The following CAMK4 variants were observed in gnomAD, a reference collection of about 807,000 sequenced individuals.
CAMK4 encodes the protein calcium/calmodulin dependent protein kinase IV.
In CAMK4, 22 loss-of-function variants were observed where a neutral mutation model predicts 44.9. That is an observed-to-expected ratio of 0.49 (90% CI 0.35 to 0.70). The LOEUF is 0.70. Ranked by LOEUF, CAMK4 falls within the 30% of genes least tolerant of loss-of-function variation. The probability of loss-of-function intolerance (pLI) is 0.01; values close to 1 mark genes in which losing one functional copy is unlikely to be tolerated. For missense variants in CAMK4, 498 were observed against 586.8 expected (o/e 0.85, Z 1.56); for synonymous variants, 218 against 215.4 (o/e 1.01, Z -0.11).
At chr5:111,423,002 C>T (rs1233312423) in intron 5 of CAMK4, among the ~76,000 whole-genome samples, 2 of 152,156 alleles carry the variant, frequency 1.3e-5, no homozygotes, top group Non-Finnish European at 2.9e-5. Context: ...ACCCCACATA[C>T]CCTTTTGTGT....
Position 111,486,206 on chromosome 5 carries a change from C to G in CAMK4, c.*1740C>G, listed in dbSNP as rs1755612540. ...AAGAAAACAAGGTAGGACTTCTTAT[C>G]TTTCATAGTTTAAGAATCTGACAGG... On this transcript the variant is annotated 3_prime_UTR_variant, in exon 11 of 11. Coordinates refer to ENST00000282356, the MANE Select transcript of CAMK4 (RefSeq NM_001744.6). 1 of 152,090 alleles carries G rather than the reference C, an allele frequency of 6.6e-6. No individual in the cohort carries two copies. The highest frequency in any genetic ancestry group is 2.1e-4 in the South Asian group (1 of 4,824). 9.4% of individuals were successfully genotyped at this position (152,090 alleles called of 1,614,324 possible). A position where few individuals can be genotyped will look rare whatever the true frequency, so the allele number is the denominator to read the frequency against.
chr5:111,233,247 C>T (rs530756328), intron 1 of CAMK4, among the ~76,000 whole-genome samples: 77 of 152,304 alleles, frequency 5.1e-4, no homozygotes, highest in African/African-American at 1.8e-3. Context: ...CAAGGAACTA[C>T]CTTTAGTCTC....
chr5:111,462,568 A>G (rs1473288351), intron 7 of CAMK4, among the ~76,000 whole-genome samples: 1 of 152,210 alleles, frequency 6.6e-6, no homozygotes, highest in Non-Finnish European at 1.5e-5. Context: ...AAGAGTTACT[A>G]ATAGTGTGAA....
chr5:111,314,470 T>C lies in CAMK4; in HGVS notation c.162-29554T>C, dbSNP rs572019021. Among the ~76,000 whole-genome samples, 6 of 152,226 alleles carry C rather than the reference T, an allele frequency of 3.9e-5. No individual in the cohort carries two copies. The South Asian group carries it at 1.2e-3, about 32-fold the overall frequency. ...TTTGCCCTGTAACCCACATTTTACA[T>C]TTCAAAAGTTTGCTTAATTAACTAA... On this transcript the variant is annotated intron_variant, in intron 1 of 10. Transcript: ENST00000282356.
intron 2 of CAMK4, among the ~76,000 whole-genome samples, chr5:111,357,623 G>A (rs1750421790): frequency 6.6e-6 from 1 of 152,010 alleles, no homozygotes; most frequent in Admixed American, 6.6e-5. Flanking sequence ...TTCTAGAAGA[G>A]GGGAAATGAA....
At chr5:111,398,822 T>C (rs1317709273) in intron 5 of CAMK4, among the ~76,000 whole-genome samples, 1 of 152,144 alleles carries the variant, frequency 6.6e-6, no homozygotes, top group Non-Finnish European at 1.5e-5. Flanking sequence ...TGCTAAAACC[T>C]AGAATTCACC....
At chr5:111,372,551 A>G (rs1439835349) in intron 2 of CAMK4, among the ~76,000 whole-genome samples, 1 of 152,146 alleles carries the variant, frequency 6.6e-6, no homozygotes, top group Non-Finnish European at 1.5e-5. Flanking sequence ...CAGGGGAGAG[A>G]GAGATTATCT....
At chr5:111,340,969 A>C (rs1749617221) in intron 1 of CAMK4, among the ~76,000 whole-genome samples, 1 of 150,594 alleles carries the variant, frequency 6.6e-6, no homozygotes, top group Admixed American at 6.6e-5. Flanking sequence ...GAATTTATTC[A>C]TTTCTTCTAG....
rs369076960 is a variant in CAMK4, at chr5:111,224,395, C to G, written c.-89C>G. 1.1e-5 allele frequency: 16 copies of G among 1,461,910 alleles called. No individual in the cohort carries two copies. The highest frequency in any genetic ancestry group is 3.0e-5 in the African/African-American group (2 of 67,324). The allele number at this position is 1,461,910 out of a possible 1,614,324, so 90.6% of individuals were successfully genotyped here. ...GAAGGACGCCGCCTCTCTCTCGCTCCTGCGTTCGCAGGCGGCGGCTGGCGG... is the reference window on the plus strand; with the variant it reads ...GAAGGACGCCGCCTCTCTCTCGCTCGTGCGTTCGCAGGCGGCGGCTGGCGG... On this transcript the variant is annotated 5_prime_UTR_variant, in exon 1 of 11. Coordinates refer to ENST00000282356, the MANE Select transcript of CAMK4 (RefSeq NM_001744.6). The surrounding 1 kb of genome is among the most constrained non-coding windows in gnomAD (Gnocchi z 5.7).
At chr5:111,315,267 A>G (rs435021) in intron 1 of CAMK4, among the ~76,000 whole-genome samples, 56,370 of 151,914 alleles carry the variant, frequency 0.37, 10,897 homozygotes, top group Admixed American at 0.46. Context: ...TTAGCTTTTC[A>G]ATTGATTAGG....
At chr5:111,240,284 T>C (rs1748926880) in intron 1 of CAMK4, among the ~76,000 whole-genome samples, 1 of 149,778 alleles carries the variant, frequency 6.7e-6, no homozygotes, top group Non-Finnish European at 1.5e-5. Context: ...AGAAATAGAG[T>C]TCTGGAAATC....
At chr5:111,418,645 A>G (rs1418803495) in intron 5 of CAMK4, among the ~76,000 whole-genome samples, 6 of 118,006 alleles carry the variant, frequency 5.1e-5, no homozygotes, top group Admixed American at 3.8e-4. Flanking sequence ...TCCTGTGTCC[A>G]TGTGTTCTCA....
At chr5:111,229,255 G>A (rs1457199225) in intron 1 of CAMK4, among the ~76,000 whole-genome samples, 1 of 152,158 alleles carries the variant, frequency 6.6e-6, no homozygotes, top group Non-Finnish European at 1.5e-5. Flanking sequence ...CATTTCCTCA[G>A]TTAGGACTCT....
intron 5 of CAMK4, among the ~76,000 whole-genome samples, chr5:111,442,982 T>G (rs1034340391): frequency 2.7e-5 from 4 of 149,480 alleles, no homozygotes; most frequent in African/African-American, 9.7e-5. Flanking sequence ...TTTCCAACAT[T>G]TTTTTTGAAT....
intron 1 of CAMK4, among the ~76,000 whole-genome samples, chr5:111,267,633 G>A (rs1750312404): frequency 6.7e-6 from 1 of 148,752 alleles, no homozygotes; most frequent in Admixed American, 6.9e-5. Flanking sequence ...GAACCCGGAA[G>A]GCGGAGCTTG....
intron 1 of CAMK4, chr5:111,277,726 T>C (rs1244921588): frequency 6.6e-6 from 1 of 152,176 alleles, no homozygotes; most frequent in Non-Finnish European, 1.5e-5. Flanking sequence ...TTTTTGTGTA[T>C]CTCAGTGGCT....
chr5:111,235,121 A>G (rs1361118942), intron 1 of CAMK4, among the ~76,000 whole-genome samples: 1 of 152,114 alleles, frequency 6.6e-6, no homozygotes, highest in East Asian at 1.9e-4. Flanking sequence ...GGTTTGCCTT[A>G]CTTTTACTGA....
At chr5:111,327,709 T>C (rs1169835289) in intron 1 of CAMK4, among the ~76,000 whole-genome samples, 1 of 151,404 alleles carries the variant, frequency 6.6e-6, no homozygotes, top group Non-Finnish European at 1.5e-5. Context: ...TTCTAACTGG[T>C]GTGAGATGGT....
intron 2 of CAMK4, among the ~76,000 whole-genome samples, chr5:111,355,195 G>A (rs932815439): frequency 6.6e-6 from 1 of 152,098 alleles, no homozygotes; most frequent in Non-Finnish European, 1.5e-5. Flanking sequence ...CAAGTGAAGT[G>A]AAACTTCTTC....
Sources: gnomAD v4.1 joint callset for allele counts (sites outside exome capture counted in the v4.1 genomes callset) on GRCh38, gnomAD v4.1.1 for gene constraint, Gnocchi (gnomAD v3.1) non-coding constraint, MANE v1.5 for transcripts, NCBI Gene and HGNC (gene_info 2026-07-23, HGNC 2026-07-21) for gene names.